PSMD1: variants seen among roughly 807,000 people sequenced by gnomAD.
PSMD1 encodes proteasome 26S subunit, non-ATPase 1, also known as 26S proteasome non-ATPase regulatory subunit 1.
PSMD1 carries 18 observed loss-of-function variants against 119.0 expected under a neutral mutation model. That is an observed-to-expected ratio of 0.15 (90% CI 0.10 to 0.22). The LOEUF is 0.22. Among genes scored for constraint, PSMD1 ranks in the 10% least tolerant of loss-of-function variants. PSMD1 has a pLI of 1.00. For synonymous variants in PSMD1, 374 were observed against 396.6 expected (o/e 0.94, Z 0.68); for missense variants, 702 against 1,158.5 (o/e 0.61, Z 5.72).
rs1696939910 is a variant in PSMD1 at position 231,172,808 on chromosome 2, C to T, written c.*283C>T. 1.3e-5 allele frequency: 2 copies of T among 152,130 alleles called. No homozygotes were observed. Among genetic ancestry groups the T allele is most frequent in the African/African-American group, 4.8e-5 (2 of 41,422 alleles). 9.4% of individuals were successfully genotyped at this position (152,130 alleles called of 1,614,324 possible). A position where few individuals can be genotyped will look rare whatever the true frequency, so the allele number is the denominator to read the frequency against. The stretch of plus-strand genomic sequence containing the variant: ...TTTAATAAATGTATCTAATCCTCCC[C>T]ACACCATGAAATGCCTAAATCCCAA... On this transcript the variant is annotated 3_prime_UTR_variant, in exon 25 of 25. Coordinates refer to ENST00000308696, the MANE Select transcript of PSMD1 (RefSeq NM_002807.4).
chr2:231,114,049 T>C, intron 16 of PSMD1: 3 of 763,454 alleles, frequency 3.9e-6, no homozygotes, highest in Non-Finnish European at 6.9e-6. Flanking sequence ...TTTATAACTT[T>C]AACAACATAA....
chr2:231,108,415 T>A, intron 16 of PSMD1: 1 of 818,620 alleles, frequency 1.2e-6, no homozygotes, highest in Non-Finnish European at 2.0e-6. Context: ...AGAGATGATT[T>A]GATATATGAC....
intron 16 of PSMD1, among the ~76,000 whole-genome samples, chr2:231,134,068 CT>C (rs1233619705): frequency 2.6e-5 from 4 of 152,136 alleles, no homozygotes; most frequent in African/African-American, 9.7e-5. Flanking sequence ...AAAATTACAA[CT>C]TTTTTTCATT....
Position 231,139,500 on chromosome 2 carries a change from G to A in PSMD1, c.1998+650G>A, listed in dbSNP as rs144817759. On this transcript the variant is annotated intron_variant, in intron 17 of 24. Coordinates refer to ENST00000308696, the MANE Select transcript of PSMD1 (RefSeq NM_002807.4). ...GGGATCAAGTGATCCTCCTGCCTCA[G>A]CCTCCCACAGTGCTGAGATTACAGG... Among the ~76,000 whole-genome samples, 728 of 140,910 alleles carry A rather than the reference G, an allele frequency of 5.2e-3. 6 individuals are homozygous for A. The highest frequency in any genetic ancestry group is 0.018 in the African/African-American group (667 of 37,242). 92.4% of individuals were successfully genotyped at this position (140,910 alleles called of 152,430 possible).
intron 16 of PSMD1, among the ~76,000 whole-genome samples, chr2:231,094,034 T>C (rs776340645): frequency 6.6e-6 from 1 of 152,234 alleles, no homozygotes; most frequent in African/African-American, 2.4e-5. Flanking sequence ...TTGGCATCAA[T>C]GGATACATGT....
At chr2:231,057,390 T>A (rs1255669204) in intron 1 of PSMD1, among the ~76,000 whole-genome samples, 3 of 152,156 alleles carry the variant, frequency 2.0e-5, no homozygotes, top group African/African-American at 7.2e-5. Context: ...GCCCCAGTTC[T>A]TGCCCGCAGG....
chr2:231,144,347 G>A (rs762155823), intron 17 of PSMD1, among the ~76,000 whole-genome samples: 1 of 149,508 alleles, frequency 6.7e-6, no homozygotes, highest in Non-Finnish European at 1.5e-5. Context: ...TGCCTCCTTG[G>A]TTCAAGCGAT....
At chr2:231,060,362 A>T (rs142427983) in intron 1 of PSMD1, 59 of 152,366 alleles carry the variant, frequency 3.9e-4, no homozygotes, top group African/African-American at 1.3e-3. Flanking sequence ...AGAAATGGCT[A>T]CATCTAACTA....
intron 7 of PSMD1, among the ~76,000 whole-genome samples, chr2:231,073,849 A>G (rs954441152): frequency 4.6e-5 from 7 of 152,028 alleles, no homozygotes; most frequent in South Asian, 2.1e-4. Context: ...ATTGAATCCT[A>G]TGACCTTGAT....
At chr2:231,138,981 C>T (rs1425189678) in intron 17 of PSMD1, 131 bp downstream of exon 17, 2 of 745,358 alleles carry the variant, frequency 2.7e-6, no homozygotes, top group East Asian at 2.7e-5. Context: ...CCATACAAAG[C>T]TTCCCAGTAC....
intron 7 of PSMD1, 116 bp downstream of exon 7, chr2:231,072,531 A>T: frequency 1.1e-6 from 1 of 897,372 alleles, no homozygotes; most frequent in Non-Finnish European, 1.7e-6. Context: ...ACTAGCTTTC[A>T]TAGATTGTAA....
In PSMD1 at chr2:231,072,376, C is replaced by G. The variant is rs1191679501; in HGVS notation, c.842C>G (p.Ser281Cys). 1 of 1,613,660 alleles carries G rather than the reference C, an allele frequency of 6.2e-7. No individual in the cohort carries two copies. The highest frequency in any genetic ancestry group is 8.5e-7 in the Non-Finnish European group (1 of 1,179,718). ...VGTPIASVPGSTNTGTVPGSE... is the reference protein window; with the variant it reads ...VGTPIASVPGCTNTGTVPGSE... The stretch of plus-strand genomic sequence containing the variant: ...ACCCCTATTGCTTCTGTGCCTGGAT[C>G]CACTAATACGGGTACTGTTCCGGGA... The change falls in exon 7 of 25, where the codon TCC (serine) becomes TGC (cysteine). Residue 281 changes from serine to cysteine, a missense_variant. Ser to Cys is a moderately radical substitution (Grantham distance 112, BLOSUM62 -1). Around this residue, in one of 9 missense-constraint regions of PSMD1, gnomAD observed 69 missense variants for 71.6 expected, o/e 0.96. Transcript: ENST00000308696.
chr2:231,132,966 A>G (rs973001385), intron 16 of PSMD1, among the ~76,000 whole-genome samples: 24 of 152,292 alleles, frequency 1.6e-4, no homozygotes, highest in South Asian at 1.5e-3. Flanking sequence ...ATGTCAATGA[A>G]TTGTCATGGT....
Position 231,170,773 on chromosome 2 carries a change from A to G in PSMD1, c.*9+52A>G, listed in dbSNP as rs887000155. On this transcript the variant is annotated intron_variant, in intron 24 of 24. Coordinates refer to ENST00000308696, the MANE Select transcript of PSMD1 (RefSeq NM_002807.4). The surrounding 1 kb of genome is among the most constrained non-coding windows in gnomAD (Gnocchi z 4.1). Reference sequence around the variant, plus strand: ...GAAACTTCTTTGTCAATACTTCACAAATGTTTTTTGCAAGGACATCATCTC... The same window carrying G: ...GAAACTTCTTTGTCAATACTTCACAGATGTTTTTTGCAAGGACATCATCTC... 1.6e-5 allele frequency: 24 copies of G among 1,488,184 alleles called. 1 individual carries two copies. The Admixed American group carries it at 2.4e-4, about 15-fold the overall frequency. The allele number at this position is 1,488,184 out of a possible 1,614,324, so 92.2% of individuals were successfully genotyped here. A position where few individuals can be genotyped will look rare whatever the true frequency, so the allele number is the denominator to read the frequency against.
intron 16 of PSMD1, chr2:231,108,813 T>C: frequency 6.2e-7 from 1 of 1,614,162 alleles, no homozygotes; most frequent in South Asian, 1.1e-5. Context: ...AATGTCTTAT[T>C]GAAGAGGGTG....
At chr2:231,117,531 C>T (rs750959586) in intron 16 of PSMD1, among the ~76,000 whole-genome samples, 15 of 152,038 alleles carry the variant, frequency 9.9e-5, no homozygotes, top group Non-Finnish European at 5.9e-5. Context: ...AAAACAAGTC[C>T]TAGATGGGTC....
chr2:231,150,494 C>G (rs186909896), intron 18 of PSMD1, among the ~76,000 whole-genome samples: 16 of 151,936 alleles, frequency 1.1e-4, no homozygotes, highest in Non-Finnish European at 1.9e-4. Context: ...TTACAGAATC[C>G]AGAAAGCTCT....
At chr2:231,079,085 G>A (rs893138545) in intron 10 of PSMD1, among the ~76,000 whole-genome samples, 3 of 152,076 alleles carry the variant, frequency 2.0e-5, no homozygotes, top group Non-Finnish European at 2.9e-5. Context: ...GTGAGCCACC[G>A]CACCCGGCCT....
At chr2:231,172,080 C>T (rs1240241996) in intron 24 of PSMD1, among the ~76,000 whole-genome samples, 1 of 152,174 alleles carries the variant, frequency 6.6e-6, no homozygotes, top group Admixed American at 6.5e-5. Context: ...CAGATTTATA[C>T]TAACCTTCCT....
Sources: gnomAD v4.1 joint callset for allele counts (sites outside exome capture counted in the v4.1 genomes callset) on GRCh38, gnomAD v4.1.1 for gene constraint, gnomAD v4.1.1 regional missense constraint, Gnocchi (gnomAD v3.1) non-coding constraint, MANE v1.5 for transcripts, NCBI Gene and HGNC (gene_info 2026-07-23, HGNC 2026-07-21) for gene names.